The following DOCK4 variants were observed in gnomAD, a reference collection of about 807,000 sequenced individuals.
DOCK4 encodes the protein dedicator of cytokinesis protein 4.
DOCK4 carries 97 observed loss-of-function variants against 268.1 expected under a neutral mutation model. That is an observed-to-expected ratio of 0.36 (90% confidence interval 0.31 to 0.43). The LOEUF is 0.43. Among genes scored for constraint, DOCK4 ranks in the 20% least tolerant of loss-of-function variants. DOCK4 has a pLI of 1.00. For synonymous variants in DOCK4, 954 were observed against 887.2 expected (o/e 1.08, Z -1.34); for missense variants, 2,145 against 2,455.7 (o/e 0.87, Z 2.67).
Position 111,728,039 on chromosome 7 carries a change from C to T in DOCK4, c.*235G>A, listed in dbSNP as rs1006842288. 16 of 397,252 alleles carry T rather than the reference C, an allele frequency of 4.0e-5. No homozygotes were observed. The highest frequency in any genetic ancestry group is 7.1e-5 in the Non-Finnish European group (16 of 226,606). The allele number at this position is 397,252 out of a possible 1,614,324, so 24.6% of individuals were successfully genotyped here. ...CAAAAGGAGTCTTTATCACTATTTA[C>T]CACTTCCAAATGAGAAACGTTTTAA... is the stretch of plus-strand genomic sequence containing the variant. On this transcript the variant is annotated 3_prime_UTR_variant, in exon 53 of 53. Coordinates refer to ENST00000428084, the MANE Select transcript of DOCK4 (RefSeq NM_001363540.2).
intron 1 of DOCK4, among the ~76,000 whole-genome samples, chr7:112,023,213 G>A (rs775868251): frequency 6.6e-6 from 1 of 152,138 alleles, no homozygotes; most frequent in Non-Finnish European, 1.5e-5. Context: ...CAAGTGTGAG[G>A]CACCGTGTCC....
chr7:111,934,523 G>GTTTTTTTT (rs1183672033), intron 12 of DOCK4, among the ~76,000 whole-genome samples: 21 of 83,830 alleles, frequency 2.5e-4, no homozygotes, highest in South Asian at 3.9e-4. Flanking sequence ...TTTTGTTTTT[G>GTTTTTTTT]TTTTTTTTTT....
At chr7:112,065,443 T>C (rs1375561195) in intron 1 of DOCK4, among the ~76,000 whole-genome samples, 2 of 151,696 alleles carry the variant, frequency 1.3e-5, no homozygotes, top group African/African-American at 2.4e-5. Flanking sequence ...CAATTTTAAT[T>C]ATTATTTTTA....
At chr7:111,865,675 A>G (rs1312004225) in intron 22 of DOCK4, among the ~76,000 whole-genome samples, 1 of 152,250 alleles carries the variant, frequency 6.6e-6, no homozygotes, top group African/African-American at 2.4e-5. Context: ...TGACCTTAAA[A>G]TATGGAGATT....
intron 16 of DOCK4, among the ~76,000 whole-genome samples, chr7:111,891,324 A>G (rs1808270221): frequency 6.6e-6 from 1 of 152,212 alleles, no homozygotes; most frequent in Non-Finnish European, 1.5e-5. Flanking sequence ...ACATAAGAAC[A>G]TACAGTTAAG....
intron 1 of DOCK4, among the ~76,000 whole-genome samples, chr7:112,170,195 A>C (rs1386364824): frequency 6.6e-6 from 1 of 152,210 alleles, no homozygotes; most frequent in Non-Finnish European, 1.5e-5. Flanking sequence ...GACCACCGGT[A>C]ATCCCAGCGC....
At position 111,728,472 on chromosome 7, in the gene DOCK4, G is replaced by C. The variant is rs755890351; in HGVS notation, c.5730C>G (p.Pro1910=). 7.9e-5 allele frequency: 128 copies of C among 1,611,732 alleles called. No individual in the cohort carries two copies. The highest frequency in any genetic ancestry group is 1.6e-4 in the Middle Eastern group (1 of 6,082). ...GAGTCCGCTCGTAGACGCTGTACGG[G>C]GGCGGAGTCTTGCTCTCCTTGCGCA... The part of the protein sequence containing the change: ...EPVRKESKTP[P]PYSVYERTLR... The change falls in exon 53 of 53, where the codon CCC becomes CCG. Residue 1910 remains proline, a synonymous_variant. Coordinates refer to ENST00000428084, the MANE Select transcript of DOCK4 (RefSeq NM_001363540.2).
chr7:111,977,867 G>C (rs1171083028), intron 7 of DOCK4, among the ~76,000 whole-genome samples: 1 of 152,180 alleles, frequency 6.6e-6, no homozygotes, highest in African/African-American at 2.4e-5. Flanking sequence ...GAGAAACCTA[G>C]GAAAGCCAGC....
At chr7:111,800,094 T>C (rs924394117) in intron 30 of DOCK4, among the ~76,000 whole-genome samples, 1 of 152,202 alleles carries the variant, frequency 6.6e-6, no homozygotes, top group Non-Finnish European at 1.5e-5. Flanking sequence ...ATAAAAGTTT[T>C]ACTATCACTA....
chr7:112,112,310 C>T (rs1249725558), intron 1 of DOCK4, among the ~76,000 whole-genome samples: 8 of 152,192 alleles, frequency 5.3e-5, no homozygotes, highest in East Asian at 1.9e-4. Flanking sequence ...CTTCACCTTC[C>T]GCCATGGTTG....
intron 6 of DOCK4, among the ~76,000 whole-genome samples, chr7:111,988,376 T>C (rs1359543312): frequency 6.6e-6 from 1 of 152,226 alleles, no homozygotes; most frequent in Non-Finnish European, 1.5e-5. Context: ...TCAGCCTCGG[T>C]CAGAGCTTTC....
chr7:111,923,884 C>T (rs934852294), intron 12 of DOCK4, among the ~76,000 whole-genome samples: 1 of 152,138 alleles, frequency 6.6e-6, no homozygotes, highest in Admixed American at 6.5e-5. Context: ...TGCTCGTTTG[C>T]TATTTAAGTA....
intron 4 of DOCK4, among the ~76,000 whole-genome samples, chr7:111,994,752 T>G (rs1213749471): frequency 6.6e-6 from 1 of 152,186 alleles, no homozygotes; most frequent in Non-Finnish European, 1.5e-5. Flanking sequence ...CGGTAACACT[T>G]AATTTTTATT....
intron 1 of DOCK4, among the ~76,000 whole-genome samples, chr7:112,060,825 G>C (rs555543106): frequency 6.6e-5 from 10 of 152,232 alleles, no homozygotes; most frequent in African/African-American, 1.9e-4. Context: ...GGGAGAATAG[G>C]GAGTTATTTT....
chr7:111,895,758 T>C, intron 15 of DOCK4, 40 bp from the exon 16 acceptor site: 1 of 1,559,600 alleles, frequency 6.4e-7, no homozygotes, highest in East Asian at 2.2e-5. Context: ...AGTGTATCTA[T>C]GTTCAGGTAC....
chr7:112,110,437 G>A (rs978864662), intron 1 of DOCK4, among the ~76,000 whole-genome samples: 4 of 152,142 alleles, frequency 2.6e-5, no homozygotes, highest in Admixed American at 2.6e-4. Flanking sequence ...ACATGACTAG[G>A]TATGCCAAAA....
intron 1 of DOCK4, among the ~76,000 whole-genome samples, chr7:112,143,769 T>C (rs1299954314): frequency 6.6e-6 from 1 of 152,114 alleles, no homozygotes; most frequent in African/African-American, 2.4e-5. Context: ...ACCCCAGCCA[T>C]CTCCTCTAGG....
intron 12 of DOCK4, among the ~76,000 whole-genome samples, chr7:111,922,180 CT>C (rs1432606109): frequency 6.6e-6 from 1 of 152,202 alleles, no homozygotes; most frequent in Non-Finnish European, 1.5e-5. Flanking sequence ...TTAGAAGACA[CT>C]TAGCATGTAA....
At chr7:111,892,948 G>C (rs1156492868) in intron 16 of DOCK4, among the ~76,000 whole-genome samples, 1 of 152,148 alleles carries the variant, frequency 6.6e-6, no homozygotes, top group East Asian at 1.9e-4. Context: ...TTTCTGTGGA[G>C]CAAATGCTTC....
Sources: allele counts gnomAD v4.1 joint callset (sites outside exome capture counted in the v4.1 genomes callset), GRCh38; gene constraint gnomAD v4.1.1; transcripts MANE v1.5; gene names NCBI Gene and HGNC (gene_info 2026-07-23, HGNC 2026-07-21).